Variants in CD300LD observed in about 807,000 individuals in gnomAD.
The protein encoded by CD300LD is CMRF35-like molecule 5.
Under a neutral mutation model 20.3 loss-of-function variants are expected in CD300LD, and 18 were observed. The ratio of observed to expected loss-of-function variants is 0.89; its 90% CI spans 0.61 to 1.32. The LOEUF is 1.32. Ranked by LOEUF, CD300LD falls within the 40% of genes most tolerant of loss-of-function variation. The pLI, the probability that CD300LD is intolerant of heterozygous loss-of-function variation, is 0.00. For synonymous variants in CD300LD, 104 were observed against 90.1 expected, an observed-to-expected ratio of 1.15 and a Z score of -0.87; for missense variants, 195 against 226.6, an observed-to-expected ratio of 0.86 and a Z score of 0.90.
intron 2 of CD300LD, among the ~76,000 whole-genome samples, chr17:74,582,573 A>G (rs2030059967): frequency 6.6e-6 from 1 of 152,240 alleles, no homozygotes; most frequent in African/African-American, 2.4e-5. Flanking sequence ...ACTCGATAGC[A>G]TTCCGCTCTC....
downstream of CD300LD, among the ~76,000 whole-genome samples, chr17:74,579,180 G>A (rs556007132): frequency 5.9e-5 from 9 of 152,334 alleles, no homozygotes; most frequent in Middle Eastern, 3.4e-3. Flanking sequence ...ACGGCAGCCC[G>A]GAAACCTCTG....
rs1356485843 is a variant in CD300LD, at chr17:74,582,248, G to A, written c.443C>T (p.Ala148Val). The A allele has an allele frequency of 1.2e-6, 2 of 1,613,744 alleles. No homozygotes were observed. Among genetic ancestry groups the A allele is most frequent in the Admixed American group, 1.7e-5 (1 of 59,996 alleles). ...TTASLAFTAA[A>V]TQKTSSPLTR... is the part of the protein sequence containing the mutation. ...GAGGGGGCTGCTGGTCTTCTGGGTGGCTGCAGCTGTGAAAGCCAGGCTTGC... is the reference window on the plus strand; with the variant it reads ...GAGGGGGCTGCTGGTCTTCTGGGTGACTGCAGCTGTGAAAGCCAGGCTTGC... The change falls in exon 3 of 4, where the codon GCC becomes GTC. Residue 148 changes from alanine (A) to valine (V), a missense_variant. Transcript: ENST00000375352.
intron 3 of CD300LD, 26 bp from the exon 4 acceptor site, chr17:74,580,139 G>A (rs1176029371): frequency 1.3e-6 from 2 of 1,493,160 alleles, no homozygotes; most frequent in Admixed American, 1.8e-5. Context: ...GACAGGAAAT[G>A]AGCTGCCTCC....
At chr17:74,592,048 T>G (rs957998407) in intron 1 of CD300LD, 115 bp downstream of exon 1, 1 of 1,606,628 alleles carries the variant, frequency 6.2e-7, no homozygotes, top group Non-Finnish European at 8.5e-7. Flanking sequence ...TGGGCATGGA[T>G]GGATGAATTG....
In CD300LD at chr17:74,579,874, G is replaced by A; in HGVS notation, c.*128C>T. The A allele has an allele frequency of 1.8e-6, 1 of 568,544 alleles. No individual in the cohort carries two copies. Among genetic ancestry groups the A allele is most frequent in the Non-Finnish European group, 3.2e-6 (1 of 316,006 alleles). 35.2% of individuals were successfully genotyped at this position (568,544 alleles called of 1,614,324 possible). On this transcript the variant is annotated 3_prime_UTR_variant, in exon 4 of 4. Coordinates refer to ENST00000375352, the MANE Select transcript of CD300LD (RefSeq NM_001115152.2). ...CATTCCAGCCTGGGTGACAGAGCAA[G>A]ACTCTATCTCTAGAAAGAAAAAAAG...
Position 74,580,097 on chromosome 17 carries a change from T to C in CD300LD, c.490A>G (p.Thr164Ala). 1 of 1,611,818 alleles carries C rather than the reference T, an allele frequency of 6.2e-7. No homozygotes were observed. Among genetic ancestry groups the C allele is most frequent in the Non-Finnish European group, 8.5e-7 (1 of 1,178,822 alleles). ...AGGAGGAACAGGAACAGGAAGTGGG[T>C]GCTCTTGAGCGGGGACCTGTGGGAA... is the stretch of plus-strand genomic sequence containing the variant. The part of the protein sequence containing the change: ...SPLTRSPLKS[T>A]HFLFLFLLEL... Residue 164 changes from threonine to alanine, a missense_variant, in exon 4 of 4, where the codon ACC becomes GCC. Coordinates refer to ENST00000375352, the MANE Select transcript of CD300LD (RefSeq NM_001115152.2).
chr17:74,587,953 G>T (rs776478022), intron 2 of CD300LD, among the ~76,000 whole-genome samples: 1 of 152,124 alleles, frequency 6.6e-6, no homozygotes, highest in Non-Finnish European at 1.5e-5. Flanking sequence ...GGTCCTTCAG[G>T]GTCCTATGAG....
chr17:74,588,702 A>T lies in CD300LD; in HGVS notation c.188T>A (p.Ile63Asn). 6.2e-7 allele frequency: 1 copy of T among 1,614,196 alleles called. No individual in the cohort carries two copies. Among genetic ancestry groups the T allele is most frequent in the Non-Finnish European group, 8.5e-7 (1 of 1,180,036 alleles). The change falls in exon 2 of 4, where the codon ATC (isoleucine) becomes AAC (asparagine). Residue 63 changes from isoleucine (I) to asparagine (N), a missense_variant. Ile to Asn is a moderately radical substitution (Grantham distance 149). Coordinates refer to ENST00000375352, the MANE Select transcript of CD300LD (RefSeq NM_001115152.2). ...CQGADWNYCNILVKTNGSEQE... is the reference protein window; with the variant it reads ...CQGADWNYCNNLVKTNGSEQE... ...CTCTGATCCATTTGTTTTAACAAGG[A>T]TGTTACAGTAATTCCAATCAGCTCC...
chr17:74,585,730 A>G (rs1719500), intron 2 of CD300LD, among the ~76,000 whole-genome samples: 1,676 of 152,308 alleles, frequency 0.011, 33 homozygotes, highest in African/African-American at 0.037. Flanking sequence ...ATTTGGTGCT[A>G]TGCGCCTTCC....
intron 1 of CD300LD, chr17:74,591,860 C>A: frequency 2.5e-6 from 1 of 399,418 alleles, no homozygotes; most frequent in Non-Finnish European, 4.2e-6. Context: ...TGGACTCACT[C>A]ATTAGTTCCT....
chr17:74,591,877 A>G, intron 1 of CD300LD: 1 of 562,314 alleles, frequency 1.8e-6, no homozygotes, highest in Admixed American at 3.7e-5. Context: ...TCCTTCCTTC[A>G]TTGATATCTG....
intron 1 of CD300LD, among the ~76,000 whole-genome samples, chr17:74,590,936 C>T (rs958185960): frequency 1.3e-5 from 2 of 151,862 alleles, no homozygotes; most frequent in African/African-American, 2.4e-5. Flanking sequence ...CTGGGTGTCG[C>T]ACCACATGCC....
chr17:74,587,504 T>C (rs2030192375), intron 2 of CD300LD, among the ~76,000 whole-genome samples: 1 of 152,274 alleles, frequency 6.6e-6, no homozygotes, highest in Non-Finnish European at 1.5e-5. Context: ...GTGTTTCTGA[T>C]GTTTTCACAG....
At chr17:74,585,656 T>C (rs1460722254) in intron 2 of CD300LD, among the ~76,000 whole-genome samples, 2 of 152,214 alleles carry the variant, frequency 1.3e-5, no homozygotes, top group Non-Finnish European at 2.9e-5. Flanking sequence ...CTGAAGGAAT[T>C]GAAAGCGAGT....
Position 74,588,722 on chromosome 17 carries a change from A to G in CD300LD, c.168T>C (p.Ala56=), listed in dbSNP as rs2030231486. The G allele has an allele frequency of 3.1e-6, 5 of 1,614,216 alleles. No individual in the cohort carries two copies. The highest frequency in any genetic ancestry group is 4.2e-6 in the Non-Finnish European group (5 of 1,180,034). ...ETYLKWRCQG[A]DWNYCNILVK... is the part of the protein sequence containing the mutation. ...CAAGGATGTTACAGTAATTCCAATC[A>G]GCTCCTTGACACCGCCACTTCAAGT... The change falls in exon 2 of 4, where the codon GCT becomes GCC. Residue 56 remains alanine, a synonymous_variant. Coordinates refer to ENST00000375352, the MANE Select transcript of CD300LD (RefSeq NM_001115152.2).
In CD300LD at chr17:74,580,059, C is replaced by T. The variant is rs759415618; in HGVS notation, c.528G>A (p.Leu176=). ...FLFLFLLELP[L]LLSMLGTVLW... ...GGACGGTCCCCAGCATGCTCAGGAGCAGAGGCAGCTCCAGGAGGAACAGGA... is the reference window on the plus strand; with the variant it reads ...GGACGGTCCCCAGCATGCTCAGGAGTAGAGGCAGCTCCAGGAGGAACAGGA... The change falls in exon 4 of 4, where the codon CTG becomes CTA. Residue 176 remains leucine, a synonymous_variant. Coordinates refer to ENST00000375352, the MANE Select transcript of CD300LD (RefSeq NM_001115152.2). The T allele has an allele frequency of 1.9e-6, 3 of 1,613,544 alleles. No homozygotes were observed. The highest frequency in any genetic ancestry group is 2.5e-6 in the Non-Finnish European group (3 of 1,179,742).
At chr17:74,587,764 A>T (rs2030199937) in intron 2 of CD300LD, among the ~76,000 whole-genome samples, 1 of 152,096 alleles carries the variant, frequency 6.6e-6, no homozygotes, top group African/African-American at 2.4e-5. Flanking sequence ...GTTACCAGGG[A>T]AGGGGGTCCC....
Position 74,592,225 on chromosome 17 carries a change from T to C in CD300LD, c.-23A>G. ...CATGGTCCTGTCTCCTCTCCTCTCCTTGGTGATCACAGGTGTCTGGTGCCC... is the reference window on the plus strand; with the variant it reads ...CATGGTCCTGTCTCCTCTCCTCTCCCTGGTGATCACAGGTGTCTGGTGCCC... On this transcript the variant is annotated 5_prime_UTR_variant, in exon 1 of 4. Transcript: ENST00000375352. The C allele has an allele frequency of 6.2e-7, 1 of 1,614,180 alleles. No individual in the cohort carries two copies. The highest frequency in any genetic ancestry group is 8.5e-7 in the Non-Finnish European group (1 of 1,180,010).
intron 2 of CD300LD, 116 bp from the exon 3 acceptor site, chr17:74,582,427 T>A: frequency 1.4e-6 from 1 of 695,182 alleles, no homozygotes; most frequent in Non-Finnish European, 2.4e-6. Flanking sequence ...GGTCCAAGAC[T>A]GTCTGGTCAG....
Sources: gnomAD v4.1 joint callset for allele counts (sites outside exome capture counted in the v4.1 genomes callset) on GRCh38, gnomAD v4.1.1 for gene constraint, MANE v1.5 for transcripts, NCBI Gene and HGNC (gene_info 2026-07-23, HGNC 2026-07-21) for gene names.